XRN2: variants seen among roughly 807,000 people sequenced by gnomAD.
XRN2 encodes the protein 5'-3' exoribonuclease 2, also known as DHM1-like protein.
In XRN2, 44 loss-of-function variants were observed where a neutral mutation model predicts 138.5. The observed-to-expected ratio is 0.32, with a 90% CI of 0.25 to 0.41. XRN2 has a LOEUF of 0.41. Ranked by LOEUF, XRN2 falls within the 10% of genes least tolerant of loss-of-function variation. The pLI is 1.00. For synonymous variants in XRN2, 354 were observed against 369.4 expected, an observed-to-expected ratio of 0.96 and a Z score of 0.48; for missense variants, 937 against 1,169.3, an observed-to-expected ratio of 0.80 and a Z score of 2.90.
At chr20:21,379,645 A>C (rs2038861669) in intron 27 of XRN2, among the ~76,000 whole-genome samples, 1 of 152,210 alleles carries the variant, frequency 6.6e-6, no homozygotes, top group South Asian at 2.1e-4. Context: ...ACTAGAAGTG[A>C]TATATTAGAA....
At chr20:21,366,171 T>TAAA (rs1358088456) in intron 26 of XRN2, among the ~76,000 whole-genome samples, 1 of 103,000 alleles carries the variant, frequency 9.7e-6, no homozygotes, top group Non-Finnish European at 1.9e-5. Context: ...GTTTATATAA[T>TAAA]ATATATAAAT....
At chr20:21,324,899 G>C (rs548911861) in intron 1 of XRN2, among the ~76,000 whole-genome samples, 2 of 152,314 alleles carry the variant, frequency 1.3e-5, no homozygotes, top group African/African-American at 4.8e-5. Flanking sequence ...TATATTTACA[G>C]AGCTGTGCAA....
In XRN2 at chr20:21,333,504, G is replaced by C. The variant is rs372543597; in HGVS notation, c.859-40G>C. The C allele has an allele frequency of 1.9e-6, 3 of 1,597,596 alleles. No homozygotes were observed. In the African/African-American group the frequency reaches 4.0e-5, roughly 21 times the overall value. Reference sequence around the variant, plus strand: ...GCTTGGTTGGAAAAAATTACTGGACGTAGAGTAGACTTGTTTCATCTTCAT... The same window carrying C: ...GCTTGGTTGGAAAAAATTACTGGACCTAGAGTAGACTTGTTTCATCTTCAT... On this transcript the variant is annotated intron_variant, in intron 9 of 29. Coordinates refer to ENST00000377191, the MANE Select transcript of XRN2 (RefSeq NM_012255.5).
intron 1 of XRN2, among the ~76,000 whole-genome samples, chr20:21,317,638 A>G (rs1042857362): frequency 6.6e-6 from 1 of 152,194 alleles, no homozygotes; most frequent in Admixed American, 6.5e-5. Flanking sequence ...ATCTTCTCGT[A>G]TATTTTAAAT....
At chr20:21,359,371 C>A (rs2038611490) in intron 24 of XRN2, among the ~76,000 whole-genome samples, 1 of 151,980 alleles carries the variant, frequency 6.6e-6, no homozygotes, top group Non-Finnish European at 1.5e-5. Context: ...CCTATCTCTA[C>A]TAAAACTGCA....
intron 1 of XRN2, among the ~76,000 whole-genome samples, chr20:21,312,727 C>T (rs144492451): frequency 8.2e-4 from 125 of 152,006 alleles, no homozygotes; most frequent in Middle Eastern, 3.4e-3. Flanking sequence ...CTTCCTCAGC[C>T]TCCCAAATAA....
chr20:21,303,746 C>T (rs749316713), intron 1 of XRN2: 13 of 1,207,058 alleles, frequency 1.1e-5, no homozygotes, highest in Non-Finnish European at 1.2e-5. Context: ...TCGCTTTTTC[C>T]CGGCACCGGA....
chr20:21,313,973 T>C (rs1420734877), intron 1 of XRN2, among the ~76,000 whole-genome samples: 1 of 152,254 alleles, frequency 6.6e-6, no homozygotes, highest in African/African-American at 2.4e-5. Flanking sequence ...AGTGTACAAC[T>C]CAGTGATTTT....
chr20:21,379,342 G>C (rs1403014334), intron 27 of XRN2, among the ~76,000 whole-genome samples: 1 of 152,150 alleles, frequency 6.6e-6, no homozygotes, highest in African/African-American at 2.4e-5. Flanking sequence ...TTACAGATCA[G>C]CCAGGAAATA....
chr20:21,372,451 C>G (rs998841676), intron 27 of XRN2, among the ~76,000 whole-genome samples: 3 of 151,994 alleles, frequency 2.0e-5, no homozygotes, highest in African/African-American at 7.2e-5. Context: ...GGGAGGAGAG[C>G]TAATTTTTAA....
intron 27 of XRN2, among the ~76,000 whole-genome samples, chr20:21,372,200 AC>A (rs1427558576): frequency 2.6e-5 from 4 of 152,176 alleles, no homozygotes; most frequent in Non-Finnish European, 5.9e-5. Context: ...TAGTGCTGGG[AC>A]TCTAATGACA....
At position 21,333,595 on chromosome 20, in the gene XRN2, CT is replaced by C. The variant is rs1568576448; in HGVS notation, c.912del (p.Arg305GlyfsTer49). On this transcript the variant is annotated frameshift_variant, in exon 10 of 30. Transcript: ENST00000377191. LOFTEE classifies it high-confidence loss of function. ...LPCAEGEFIF[L>X]RLNVLREYLE... Reference sequence around the variant, plus strand: ...TTGTGCAGAAGGAGAGTTTATCTTCCTTCGGCTTAATGTTCTTCGTGAGGTA... The same window carrying C: ...TTGTGCAGAAGGAGAGTTTATCTTCCTCGGCTTAATGTTCTTCGTGAGGTA... The C allele has an allele frequency of 1.9e-6, 3 of 1,613,734 alleles. No individual in the cohort carries two copies.
chr20:21,370,571 A>G (rs2038750119), intron 27 of XRN2, among the ~76,000 whole-genome samples: 1 of 152,198 alleles, frequency 6.6e-6, no homozygotes, highest in Non-Finnish European at 1.5e-5. Context: ...TTCAAATTGT[A>G]TCTCAATGCT....
chr20:21,382,208 T>C (rs931478082), intron 28 of XRN2, 151 bp downstream of exon 28: 4 of 509,044 alleles, frequency 7.9e-6, no homozygotes, highest in African/African-American at 3.9e-5. Flanking sequence ...TAAGAAAATA[T>C]ATAGCTAATA....
chr20:21,389,309 C>G lies in XRN2; in HGVS notation c.2824C>G (p.Pro942Ala). ...PREGRKYPLPPPSGRYNWN is the reference protein window; with the variant it reads ...PREGRKYPLPAPSGRYNWN ...AGAAGGAAGGAAATACCCTTTGCCA[C>G]CACCCTCAGGAAGATACAATTGGAA... The change falls in exon 30 of 30, where the codon CCA becomes GCA. Residue 942 changes from proline (P) to alanine (A), a missense_variant. Physicochemically the swap from Pro to Ala is conservative, Grantham distance 27 (BLOSUM62 -1). Transcript: ENST00000377191. 6.2e-7 allele frequency: 1 copy of G among 1,613,180 alleles called. No homozygotes were observed. Among genetic ancestry groups the G allele is most frequent in the Non-Finnish European group, 8.5e-7 (1 of 1,179,586 alleles).
chr20:21,340,210 G>A (rs1006795512), intron 14 of XRN2, among the ~76,000 whole-genome samples: 7 of 152,072 alleles, frequency 4.6e-5, no homozygotes, highest in Admixed American at 2.6e-4. Flanking sequence ...TGAGAGGATC[G>A]CTTGAATTCA....
chr20:21,350,084 A>G (rs926080280), intron 20 of XRN2, among the ~76,000 whole-genome samples: 4 of 152,228 alleles, frequency 2.6e-5, no homozygotes, highest in Non-Finnish European at 5.9e-5. Context: ...TATGTAGTTT[A>G]AATACTTGAT....
At chr20:21,342,879 A>G (rs1479889915) in intron 15 of XRN2, among the ~76,000 whole-genome samples, 1 of 152,216 alleles carries the variant, frequency 6.6e-6, no homozygotes, top group Non-Finnish European at 1.5e-5. Context: ...AAATACAACA[A>G]TACCTGCCTC....
chr20:21,363,464 A>T (rs2038660520), intron 24 of XRN2, among the ~76,000 whole-genome samples: 1 of 152,186 alleles, frequency 6.6e-6, no homozygotes, highest in African/African-American at 2.4e-5. Flanking sequence ...TTTCTCTGTC[A>T]TCCTCTTAAA....
Sources: gnomAD v4.1 joint callset for allele counts (sites outside exome capture counted in the v4.1 genomes callset) on GRCh38, gnomAD v4.1.1 for gene constraint, MANE v1.5 for transcripts, NCBI Gene and HGNC (gene_info 2026-07-23, HGNC 2026-07-21) for gene names.